The following DACH2 variants were observed in gnomAD, a reference collection of about 807,000 sequenced individuals.
DACH2 encodes the protein dachshund homolog 2.
A neutral mutation model predicts 35.8 loss-of-function variants in DACH2; 17 were observed. That is an observed-to-expected ratio of 0.48 (90% CI 0.33 to 0.71). The LOEUF (loss-of-function observed/expected upper bound fraction) is 0.71. Among genes scored for constraint, DACH2 ranks in the 30% least tolerant of loss-of-function variants. The pLI is 0.02. For synonymous variants in DACH2, 195 were observed against 177.3 expected, an observed-to-expected ratio of 1.10 and a Z score of -0.79; for missense variants, 469 against 472.7, an observed-to-expected ratio of 0.99 and a Z score of 0.07.
intron 3 of DACH2, among the ~76,000 whole-genome samples, chrX:86,642,978 G>A (rs184814057): frequency 9.0e-4 from 100 of 110,769 alleles, no homozygotes; most frequent in African/African-American, 3.2e-3. Flanking sequence ...GAAATTCATA[G>A]CACTAAATGC....
chrX:86,360,102 CTGTT>C (rs2035714564), intron 1 of DACH2, among the ~76,000 whole-genome samples: 1 of 110,811 alleles, frequency 9.0e-6, no homozygotes, highest in East Asian at 2.9e-4. Flanking sequence ...CTGGACTACT[CTGTT>C]TATTTTAGAT....
chrX:86,499,118 C>A (rs181697454), intron 2 of DACH2, among the ~76,000 whole-genome samples: 185 of 111,999 alleles, frequency 1.7e-3, no homozygotes, highest in African/African-American at 5.8e-3. Context: ...AAAGTTCCTG[C>A]CAACGTTATA....
rs183560620 is a variant in DACH2, at chrX:86,336,401, G to T, written c.489-40423G>T. Among the ~76,000 whole-genome samples, 54 of 112,016 alleles carry T rather than the reference G, an allele frequency of 4.8e-4. 2 individuals carry two copies. Among genetic ancestry groups the T allele is most frequent in the African/African-American group, 1.7e-3 (51 of 30,856 alleles). ...CCTGGGCTTCCAGAGGAAGGAAGAGGCAGCAATCTTTGCTGTTCTGCAGCC... is the reference window on the plus strand; with the variant it reads ...CCTGGGCTTCCAGAGGAAGGAAGAGTCAGCAATCTTTGCTGTTCTGCAGCC... On this transcript the variant is annotated intron_variant, in intron 1 of 11. Coordinates refer to ENST00000373125, the MANE Select transcript of DACH2 (RefSeq NM_053281.3).
chrX:86,762,272 TA>T (rs1043154167), intron 7 of DACH2, among the ~76,000 whole-genome samples: 3 of 111,398 alleles, frequency 2.7e-5, no homozygotes, highest in Non-Finnish European at 3.8e-5. Context: ...AGTTATTCCC[TA>T]AAAAATCACT....
At chrX:86,399,034 G>T (rs1235329309) in intron 2 of DACH2, among the ~76,000 whole-genome samples, 1 of 111,426 alleles carries the variant, frequency 9.0e-6, no homozygotes, top group African/African-American at 3.3e-5. Flanking sequence ...CTCTTTGTAG[G>T]TCACTAAGGA....
At chrX:86,339,288 A>G (rs1392394258) in intron 1 of DACH2, among the ~76,000 whole-genome samples, 2 of 112,195 alleles carry the variant, frequency 1.8e-5, no homozygotes, top group Non-Finnish European at 3.8e-5. Flanking sequence ...TATTCCTTAT[A>G]GAATTGTTTC....
Position 86,578,361 on chromosome X carries a change from C to T in DACH2, c.640+63970C>T, listed in dbSNP as rs186621782. On this transcript the variant is annotated intron_variant, in intron 3 of 11. Transcript: ENST00000373125. Reference sequence around the variant, plus strand: ...TTTTAACCTCCGACATTCGATTTTTCCTGTTGTTAGCATCTCAACATTACT... The same window carrying T: ...TTTTAACCTCCGACATTCGATTTTTTCTGTTGTTAGCATCTCAACATTACT... Among the ~76,000 whole-genome samples, 7 of 110,287 alleles carry T rather than the reference C, an allele frequency of 6.3e-5. No individual in the cohort carries two copies. The East Asian group carries it at 1.7e-3, about 27-fold the overall frequency.
intron 2 of DACH2, among the ~76,000 whole-genome samples, chrX:86,383,876 T>C (rs1422241664): frequency 9.1e-6 from 1 of 110,433 alleles, no homozygotes; most frequent in Non-Finnish European, 1.9e-5. Flanking sequence ...TACTAAAATT[T>C]CTTAGCCACG....
intron 1 of DACH2, among the ~76,000 whole-genome samples, chrX:86,254,777 AATAAATATAT>A (rs1443553988): frequency 1.4e-4 from 2 of 14,234 alleles, no homozygotes; most frequent in East Asian, 2.3e-3. Context: ...TATTCAAATA[AATAAATATAT>A]ATATATATAT....
At chrX:86,240,065 A>G (rs978380946) in intron 1 of DACH2, among the ~76,000 whole-genome samples, 2 of 111,821 alleles carry the variant, frequency 1.8e-5, no homozygotes, top group African/African-American at 3.3e-5. Flanking sequence ...GCTTAATGTC[A>G]TTCACTTCAT....
At chrX:86,322,776 G>A (rs940997129) in intron 1 of DACH2, among the ~76,000 whole-genome samples, 1 of 112,199 alleles carries the variant, frequency 8.9e-6, no homozygotes, top group African/African-American at 3.2e-5. Flanking sequence ...TTATTCTTAG[G>A]TGGTGGTTCC....
intron 4 of DACH2, among the ~76,000 whole-genome samples, chrX:86,690,613 G>A (rs1213365199): frequency 1.8e-5 from 2 of 111,626 alleles, no homozygotes; most frequent in East Asian, 5.7e-4. Flanking sequence ...TTTAAAATGA[G>A]TTTTTTAAAA....
chrX:86,659,876 T>C (rs905228425), intron 4 of DACH2, among the ~76,000 whole-genome samples: 3 of 110,439 alleles, frequency 2.7e-5, no homozygotes, highest in Non-Finnish European at 5.7e-5. Context: ...GTATTGTTTT[T>C]ACTTAATGGG....
chrX:86,388,144 C>T (rs1307856162), intron 2 of DACH2, among the ~76,000 whole-genome samples: 1 of 112,073 alleles, frequency 8.9e-6, no homozygotes. Context: ...CACCTGTGAG[C>T]ACAGGCTGTC....
At chrX:86,461,375 C>T (rs2037569639) in intron 2 of DACH2, among the ~76,000 whole-genome samples, 2 of 111,194 alleles carry the variant, frequency 1.8e-5, no homozygotes, top group South Asian at 3.7e-4. Flanking sequence ...GTATACAAAC[C>T]TTATATCCAC....
chrX:86,575,349 TG>T (rs755872399), intron 3 of DACH2, among the ~76,000 whole-genome samples: 70 of 109,697 alleles, frequency 6.4e-4, no homozygotes, highest in Middle Eastern at 4.7e-3. Flanking sequence ...AATGCAATGG[TG>T]GGGGGGGAAG....
At chrX:86,585,985 A>G (rs2039565651) in intron 3 of DACH2, among the ~76,000 whole-genome samples, 1 of 111,446 alleles carries the variant, frequency 9.0e-6, no homozygotes, top group East Asian at 2.8e-4. Flanking sequence ...TGAAAAATTG[A>G]TGTACTGCTT....
intron 3 of DACH2, among the ~76,000 whole-genome samples, chrX:86,565,891 A>G (rs1208604495): frequency 1.8e-5 from 2 of 111,964 alleles, no homozygotes; most frequent in East Asian, 2.8e-4. Context: ...GATATTCTCA[A>G]TAGGTTAATC....
intron 1 of DACH2, among the ~76,000 whole-genome samples, chrX:86,367,217 A>G (rs2035818683): frequency 3.8e-5 from 2 of 53,037 alleles, no homozygotes; most frequent in Admixed American, 6.4e-4. Flanking sequence ...AGATGCATAA[A>G]TTTTAGAAGA....
Sources: allele counts gnomAD v4.1 joint callset (sites outside exome capture counted in the v4.1 genomes callset), GRCh38; gene constraint gnomAD v4.1.1; transcripts MANE v1.5; gene names NCBI Gene and HGNC (gene_info 2026-07-23, HGNC 2026-07-21).